The following DYM variants were observed in gnomAD, a reference collection of about 807,000 sequenced individuals.
DYM encodes dyggve-Melchior-Clausen syndrome protein.
Under a neutral mutation model 93.1 loss-of-function variants are expected in DYM, and 78 were observed. The ratio of observed to expected loss-of-function variants is 0.84; its 90% CI spans 0.70 to 1.01. The LOEUF (loss-of-function observed/expected upper bound fraction) is 1.01, where lower values mean the gene tolerates loss of function less well. DYM is among the 50% of genes least tolerant of loss of function. The probability of loss-of-function intolerance (pLI) is 0.00; values close to 1 mark genes in which losing one functional copy is unlikely to be tolerated. For missense variants in DYM, 789 were observed against 845.0 expected, an observed-to-expected ratio of 0.93 and a Z score of 0.82; for synonymous variants, 321 against 319.7, an observed-to-expected ratio of 1.00 and a Z score of -0.04.
intron 13 of DYM, among the ~76,000 whole-genome samples, chr18:49,236,487 A>AAAAATAAAT (rs59730330): frequency 1.3e-5 from 2 of 149,118 alleles, no homozygotes; most frequent in Admixed American, 1.4e-4. Flanking sequence ...CTCAAAAAAA[A>AAAAATAAAT]AAATAAATAA....
At chr18:49,415,927 C>CA (rs80304487) in intron 2 of DYM, among the ~76,000 whole-genome samples, 293 of 84,382 alleles carry the variant, frequency 3.5e-3, no homozygotes, top group African/African-American at 7.2e-3. Flanking sequence ...AACTCTGACT[C>CA]AAAAAAAAAA....
chr18:49,093,472 C>T (rs965328395), intron 17 of DYM, among the ~76,000 whole-genome samples: 2 of 151,986 alleles, frequency 1.3e-5, no homozygotes, highest in African/African-American at 4.8e-5. Flanking sequence ...AAGTGGAGAC[C>T]CCAATTAGGA....
chr18:49,259,397 C>T (rs1179321982), intron 11 of DYM, among the ~76,000 whole-genome samples: 9 of 152,136 alleles, frequency 5.9e-5, no homozygotes, highest in African/African-American at 1.9e-4. Context: ...CGTTAAATAC[C>T]GTGATGATAC....
rs1023299031 is a variant in DYM, at chr18:49,054,019, G to A, written c.2026-9815C>T. On this transcript the variant is annotated intron_variant, in intron 17 of 17. Coordinates refer to ENST00000675505, the MANE Select transcript of DYM (RefSeq NM_001353214.3). ...GAATACTGGGGCCAGGAGGTTTTAC[G>A]TGGGCTTGGACAGCAAACTCTGGGA... 2.6e-5 allele frequency among the ~76,000 whole-genome samples: 4 copies of A among 152,278 alleles called. No individual in the cohort carries two copies. In the East Asian group the frequency reaches 5.8e-4, roughly 22 times the overall value.
chr18:49,308,288 G>GTATATATATATATATA (rs1340030482), intron 8 of DYM, among the ~76,000 whole-genome samples: 11 of 105,852 alleles, frequency 1.0e-4, no homozygotes, highest in African/African-American at 3.6e-4. Flanking sequence ...ACACTTGTGT[G>GTATATATATATATATA]TGTATATATA....
chr18:49,284,130 A>C (rs1049472569), intron 9 of DYM, among the ~76,000 whole-genome samples: 2 of 152,118 alleles, frequency 1.3e-5, no homozygotes, highest in African/African-American at 4.8e-5. Flanking sequence ...TAACAAATTC[A>C]CCAACCTGTA....
intron 14 of DYM, among the ~76,000 whole-genome samples, chr18:49,196,438 TACAC>T (rs35296321): frequency 0.59 from 87,968 of 150,082 alleles, 27,418 homozygotes; most frequent in Non-Finnish European, 0.72. Context: ...GATCAGTGGT[TACAC>T]ACACACACAC....
At chr18:49,344,212 T>C (rs1372685287) in intron 6 of DYM, among the ~76,000 whole-genome samples, 1 of 152,102 alleles carries the variant, frequency 6.6e-6, no homozygotes, top group Non-Finnish European at 1.5e-5. Context: ...GGAACAGCCA[T>C]TTAAGAAATA....
intron 17 of DYM, among the ~76,000 whole-genome samples, chr18:49,067,168 GCAC>G (rs2076468798): frequency 9.9e-5 from 3 of 30,386 alleles, no homozygotes; most frequent in South Asian, 1.2e-3. Flanking sequence ...GGTGATGTGA[GCAC>G]TATGGAGGTT....
At chr18:49,192,969 G>C (rs752591466) in intron 14 of DYM, among the ~76,000 whole-genome samples, 1 of 152,008 alleles carries the variant, frequency 6.6e-6, no homozygotes, top group Non-Finnish European at 1.5e-5. Flanking sequence ...GAATAAGTTT[G>C]ATCCTTTTTT....
chr18:49,373,528 T>C (rs534314244), intron 5 of DYM, among the ~76,000 whole-genome samples: 1 of 152,272 alleles, frequency 6.6e-6, no homozygotes, highest in East Asian at 1.9e-4. Context: ...TGGTGGGTTT[T>C]GGCTGGCTCC....
At chr18:49,422,394 C>A (rs1319874058) in intron 2 of DYM, among the ~76,000 whole-genome samples, 1 of 151,630 alleles carries the variant, frequency 6.6e-6, no homozygotes, top group East Asian at 1.9e-4. Flanking sequence ...AATTTCATAT[C>A]CAGACAAACT....
chr18:49,441,022 TATTTA>T (rs2081408837), intron 1 of DYM, among the ~76,000 whole-genome samples: 1 of 6,848 alleles, frequency 1.5e-4, no homozygotes, highest in Non-Finnish European at 3.1e-4. Flanking sequence ...ATATTATATA[TATTTA>T]TATATAATAT....
chr18:49,370,577 C>A lies in DYM; in HGVS notation c.422-7344G>T, dbSNP rs187338030. Among the ~76,000 whole-genome samples, 42 of 152,170 alleles carry A rather than the reference C, an allele frequency of 2.8e-4. No homozygotes were observed. The East Asian group carries it at 7.4e-3, about 27-fold the overall frequency. On this transcript the variant is annotated intron_variant, in intron 5 of 17. Transcript: ENST00000675505. ...AGGTCAGGGTTTGGGACCAGCCTGG[C>A]CAACATGGTGAAACCCCATCTCTAC... is the stretch of plus-strand genomic sequence containing the variant.
intron 6 of DYM, among the ~76,000 whole-genome samples, chr18:49,339,819 C>T (rs1054427026): frequency 4.6e-5 from 7 of 152,182 alleles, no homozygotes; most frequent in Non-Finnish European, 1.0e-4. Context: ...ATGAACAACA[C>T]GAAACATCCA....
chr18:49,452,159 CTTCT>C (rs2148705636), intron 1 of DYM, among the ~76,000 whole-genome samples: 1 of 152,282 alleles, frequency 6.6e-6, no homozygotes, highest in South Asian at 2.1e-4. Flanking sequence ...GAGTTTGTTC[CTTCT>C]GATGTTCGGA....
intron 14 of DYM, among the ~76,000 whole-genome samples, chr18:49,181,939 A>T (rs1049900885): frequency 6.6e-6 from 1 of 152,078 alleles, no homozygotes; most frequent in Admixed American, 6.5e-5. Context: ...TAGGCATTTC[A>T]GGCTATACCT....
At chr18:49,245,199 G>A (rs73443839) in intron 13 of DYM, among the ~76,000 whole-genome samples, 8,664 of 152,140 alleles carry the variant, frequency 0.057, 841 homozygotes, top group African/African-American at 0.19. Context: ...TGTCACTTCG[G>A]GATTCTGTGA....
At chr18:49,153,856 A>C (rs1035590904) in intron 15 of DYM, among the ~76,000 whole-genome samples, 2 of 152,236 alleles carry the variant, frequency 1.3e-5, no homozygotes, top group Non-Finnish European at 2.9e-5. Context: ...TTGTAAGCAG[A>C]AACAGGATAT....
Sources: gnomAD v4.1 joint callset for allele counts (sites outside exome capture counted in the v4.1 genomes callset) on GRCh38, gnomAD v4.1.1 for gene constraint, MANE v1.5 for transcripts, NCBI Gene and HGNC (gene_info 2026-07-23, HGNC 2026-07-21) for gene names.